Variants in GRHL2 observed in about 807,000 individuals in gnomAD.
GRHL2 encodes the protein grainyhead like transcription factor 2, also known as grainyhead-like protein 2 homolog.
A neutral mutation model predicts 83.8 loss-of-function variants in GRHL2; 21 were observed. The ratio of observed to expected loss-of-function variants is 0.25; its 90% CI spans 0.18 to 0.36. The LOEUF is 0.36. Among genes scored for constraint, GRHL2 ranks in the 10% least tolerant of loss-of-function variants. The probability of loss-of-function intolerance (pLI) is 1.00; values close to 1 mark genes in which losing one functional copy is unlikely to be tolerated. For synonymous variants in GRHL2, 280 were observed against 278.9 expected, an observed-to-expected ratio of 1.00 and a Z score of -0.04; for missense variants, 623 against 781.8, an observed-to-expected ratio of 0.80 and a Z score of 2.42.
chr8:101,605,639 C>T (rs1266917975), intron 8 of GRHL2, among the ~76,000 whole-genome samples: 1 of 152,200 alleles, frequency 6.6e-6, no homozygotes, highest in Non-Finnish European at 1.5e-5. Flanking sequence ...ACATAGGGCT[C>T]TCTCTATCCA....
At chr8:101,596,928 T>C (rs926045584) in intron 7 of GRHL2, among the ~76,000 whole-genome samples, 1 of 152,176 alleles carries the variant, frequency 6.6e-6, no homozygotes, top group Non-Finnish European at 1.5e-5. Flanking sequence ...GGGGAAACCA[T>C]AGAAACACAG....
intron 2 of GRHL2, among the ~76,000 whole-genome samples, chr8:101,551,606 T>C (rs1022335234): frequency 6.7e-6 from 1 of 149,554 alleles, no homozygotes; most frequent in Admixed American, 6.7e-5. Flanking sequence ...AAGGAAGATC[T>C]GGAGATAGAG....
chr8:101,656,838 CTG>C (rs771809902), intron 14 of GRHL2, among the ~76,000 whole-genome samples: 2 of 145,240 alleles, frequency 1.4e-5, no homozygotes, highest in Admixed American at 1.4e-4. Flanking sequence ...ATGTGTCTGT[CTG>C]TGTGTCTGTT....
At chr8:101,657,428 G>A (rs1157341309) in intron 14 of GRHL2, among the ~76,000 whole-genome samples, 2 of 152,186 alleles carry the variant, frequency 1.3e-5, no homozygotes, top group Non-Finnish European at 2.9e-5. Context: ...ATATCTCCAA[G>A]ATCTAGAATC....
At chr8:101,657,019 A>G (rs1277554636) in intron 14 of GRHL2, among the ~76,000 whole-genome samples, 3 of 152,188 alleles carry the variant, frequency 2.0e-5, no homozygotes, top group African/African-American at 7.2e-5. Context: ...GCTGATGTCT[A>G]CAAAGAAAAA....
At chr8:101,573,639 A>T (rs926918621) in intron 5 of GRHL2, 29 bp from the exon 6 acceptor site, 1 of 1,613,852 alleles carries the variant, frequency 6.2e-7, no homozygotes, top group Non-Finnish European at 8.5e-7. Context: ...AAGTGAGTGG[A>T]TCTGACCGCT....
chr8:101,603,914 G>A (rs1005466100), intron 8 of GRHL2, among the ~76,000 whole-genome samples: 2 of 150,966 alleles, frequency 1.3e-5, no homozygotes, highest in African/African-American at 4.9e-5. Context: ...GCACTGAAAT[G>A]GAGTTCAGAC....
At chr8:101,637,330 C>T (rs1813308800) in intron 12 of GRHL2, among the ~76,000 whole-genome samples, 1 of 152,206 alleles carries the variant, frequency 6.6e-6, no homozygotes, top group South Asian at 2.1e-4. Flanking sequence ...TGACAGCCTA[C>T]CCTTCTTCCA....
intron 12 of GRHL2, among the ~76,000 whole-genome samples, chr8:101,638,024 T>C (rs1413314171): frequency 6.6e-6 from 1 of 152,200 alleles, no homozygotes; most frequent in East Asian, 1.9e-4. Flanking sequence ...GCAGATTATA[T>C]TGGGAGATTT....
At chr8:101,534,344 A>G (rs1405662183) in intron 1 of GRHL2, among the ~76,000 whole-genome samples, 1 of 152,128 alleles carries the variant, frequency 6.6e-6, no homozygotes, top group Admixed American at 6.5e-5. Context: ...GGCAGCCCTC[A>G]GTTCCTCACC....
At chr8:101,678,353 C>G in the GRHL2 span, among the ~76,000 whole-genome samples, 1 of 152,160 alleles carries the variant, frequency 6.6e-6, no homozygotes. Flanking sequence ...TCACTCCCAC[C>G]CGAATACTGC....
intron 8 of GRHL2, among the ~76,000 whole-genome samples, chr8:101,612,938 G>A (rs956660754): frequency 6.6e-6 from 1 of 150,934 alleles, no homozygotes; most frequent in Non-Finnish European, 1.5e-5. Flanking sequence ...TTGTATGGGC[G>A]ATGAAGAGAG....
intron 2 of GRHL2, 88 bp downstream of exon 2, chr8:101,543,524 G>A: frequency 8.1e-7 from 1 of 1,237,608 alleles, no homozygotes; most frequent in Non-Finnish European, 1.2e-6. Flanking sequence ...TTTGTCCCAG[G>A]CCAGGGAACT....
downstream of GRHL2, among the ~76,000 whole-genome samples, chr8:101,673,076 C>T (rs1395880642): frequency 6.6e-6 from 1 of 150,456 alleles, no homozygotes; most frequent in African/African-American, 2.4e-5. Context: ...AAAGGAACAA[C>T]CGGTACCAGC....
chr8:101,616,166 TTC>T (rs779881380), intron 8 of GRHL2, among the ~76,000 whole-genome samples: 7 of 149,646 alleles, frequency 4.7e-5, no homozygotes, highest in East Asian at 3.9e-4. Flanking sequence ...CTTCCTTCCT[TTC>T]TCTCTCTCTC....
chr8:101,518,791 G>A (rs1204818469), intron 1 of GRHL2, among the ~76,000 whole-genome samples: 1 of 152,218 alleles, frequency 6.6e-6, no homozygotes, highest in African/African-American at 2.4e-5. Context: ...TGAAAGTGGA[G>A]GTAATGACAT....
intron 1 of GRHL2, among the ~76,000 whole-genome samples, chr8:101,519,688 C>T (rs1220655226): frequency 6.6e-6 from 1 of 151,686 alleles, no homozygotes; most frequent in Admixed American, 6.6e-5. Context: ...ATCCACATCA[C>T]ACACACCCCA....
chr8:101,673,378 CA>C (rs959081849), downstream of GRHL2, among the ~76,000 whole-genome samples: 40 of 151,536 alleles, frequency 2.6e-4, no homozygotes, highest in African/African-American at 9.2e-4. Flanking sequence ...AATTGGAAAA[CA>C]AAAAAAGGCA....
At chr8:101,622,419 G>A (rs1812984453) in intron 9 of GRHL2, among the ~76,000 whole-genome samples, 1 of 152,166 alleles carries the variant, frequency 6.6e-6, no homozygotes, top group Non-Finnish European at 1.5e-5. Context: ...AAAACGATGG[G>A]TGGTGAGCAT....
Sources: allele counts gnomAD v4.1 joint callset (sites outside exome capture counted in the v4.1 genomes callset), GRCh38; gene constraint gnomAD v4.1.1; transcripts MANE v1.5; gene names NCBI Gene and HGNC (gene_info 2026-07-23, HGNC 2026-07-21).